Variants in LZTFL1 observed in about 807,000 individuals in gnomAD.
LZTFL1 encodes the protein leucine zipper transcription factor like 1, also known as leucine zipper transcription factor-like protein 1.
A neutral mutation model predicts 45.9 loss-of-function variants in LZTFL1; 25 were observed. The ratio of observed to expected loss-of-function variants is 0.54; its 90% CI spans 0.40 to 0.76. LZTFL1 has a LOEUF of 0.76. Ranked by LOEUF, LZTFL1 falls within the 30% of genes least tolerant of loss-of-function variation. The probability of loss-of-function intolerance (pLI) is 0.00; values close to 1 mark genes in which losing one functional copy is unlikely to be tolerated. For missense variants in LZTFL1, 277 were observed against 331.1 expected, an observed-to-expected ratio of 0.84 and a Z score of 1.27; for synonymous variants, 93 against 117.4, an observed-to-expected ratio of 0.79 and a Z score of 1.35.
At chr3:45,835,530 T>C in intron 3 of LZTFL1, 60 bp downstream of exon 3, 4 of 1,513,620 alleles carry the variant, frequency 2.6e-6, no homozygotes, top group South Asian at 1.1e-5. Flanking sequence ...AGATGTTCAC[T>C]AACTTTTAAG....
rs1437356314 is a variant in LZTFL1, at chr3:45,838,017, T to A, written c.38A>T (p.Glu13Val). 1.9e-6 allele frequency: 3 copies of A among 1,611,702 alleles called. No homozygotes were observed. The highest frequency in any genetic ancestry group is 1.7e-6 in the Non-Finnish European group (2 of 1,179,366). The change falls in exon 2 of 10, where the codon GAA becomes GTA. Residue 13 changes from glutamate to valine, a missense_variant. Physicochemically the swap from Glu to Val is moderately radical, Grantham distance 121. Coordinates refer to ENST00000296135, the MANE Select transcript of LZTFL1 (RefSeq NM_020347.4). ...AGCAAAACGCATATAATTAATAACT[T>A]CATTTTGATGGTGCTCATTTAGGCC... Reference protein sequence around the residue: ...ELGLNEHHQNEVINYMRFARS... With the variant: ...ELGLNEHHQNVVINYMRFARS...
rs548016048 is a variant in LZTFL1, at chr3:45,828,471, T to C, written c.745A>G (p.Arg249Gly). The change falls in exon 8 of 10, where the codon AGG becomes GGG. Residue 249 changes from arginine to glycine, a missense_variant. Transcript: ENST00000296135. ...GCCATGTGCAGCTGCTCCTGAACCC[T>C]GAGTAGATCGTGCTTGGCTGTCGCC... ...NLATAKHDLL[R>G]VQEQLHMAEK... The C allele has an allele frequency of 2.5e-6, 4 of 1,614,086 alleles. No homozygotes were observed. The highest frequency in any genetic ancestry group is 2.5e-6 in the Non-Finnish European group (3 of 1,180,034).
upstream of LZTFL1, among the ~76,000 whole-genome samples, chr3:45,842,443 A>C (rs1363590565): frequency 6.6e-6 from 1 of 152,028 alleles, no homozygotes; most frequent in Admixed American, 6.5e-5. Flanking sequence ...TGGACATCCC[A>C]GACCTTTCAA....
At position 45,902,884 on chromosome 3, in the gene LZTFL1, C is replaced by T. The variant is rs1368980932; in HGVS notation, c.-215+10236G>A. 8.4e-5 allele frequency: 14 copies of T among 167,026 alleles called. No individual in the cohort carries two copies. In the Admixed American group the frequency reaches 9.2e-4, roughly 11 times the overall value. 10.3% of individuals were successfully genotyped at this position (167,026 alleles called of 1,614,324 possible). On this transcript the variant is annotated intron_variant, in intron 2 of 4. Coordinates refer to the LZTFL1 transcript ENST00000472635. Reference sequence around the variant, plus strand: ...GTAGGGCAAAGGGGTGAAGCGCAGGCCTTGCTGGAAGGCTATTTACTTCCA... The same window carrying T: ...GTAGGGCAAAGGGGTGAAGCGCAGGTCTTGCTGGAAGGCTATTTACTTCCA...
chr3:45,895,713 T>TAA (rs35514118), intron 2 of LZTFL1, among the ~76,000 whole-genome samples: 2 of 139,808 alleles, frequency 1.4e-5, no homozygotes, highest in Non-Finnish European at 1.6e-5. Context: ...GACTCTGTCT[T>TAA]AAAAAAAAAA....
intron 2 of LZTFL1, among the ~76,000 whole-genome samples, chr3:45,883,230 A>G (rs1226005303): frequency 2.6e-5 from 4 of 152,232 alleles, no homozygotes; most frequent in Non-Finnish European, 1.5e-5. Flanking sequence ...GTTTTTATTC[A>G]TGAATTAACA....
chr3:45,868,855 G>A (rs188374657), intron 2 of LZTFL1, among the ~76,000 whole-genome samples: 68 of 152,216 alleles, frequency 4.5e-4, no homozygotes, highest in African/African-American at 1.6e-3. Flanking sequence ...CCTCCCAAAC[G>A]TGGATATAAG....
At chr3:45,845,685 C>T (rs1290033124), upstream of LZTFL1, among the ~76,000 whole-genome samples, 1 of 152,208 alleles carries the variant, frequency 6.6e-6, no homozygotes, top group Non-Finnish European at 1.5e-5. Context: ...GTGGTCTTCA[C>T]TAAATGTTTC....
chr3:45,887,249 G>T (rs553616921), intron 2 of LZTFL1, among the ~76,000 whole-genome samples: 2 of 118,738 alleles, frequency 1.7e-5, no homozygotes, highest in African/African-American at 6.2e-5. Flanking sequence ...GTGCGTGTGT[G>T]TCTGTGTGTG....
At chr3:45,832,840 C>A in intron 5 of LZTFL1, 1 of 443,776 alleles carries the variant, frequency 2.3e-6, no homozygotes, top group Non-Finnish European at 4.0e-6. Context: ...TTCACTTTAC[C>A]TTGAAAAGGT....
At chr3:45,838,838 T>A (rs1056074784) in intron 1 of LZTFL1, among the ~76,000 whole-genome samples, 1 of 152,190 alleles carries the variant, frequency 6.6e-6, no homozygotes, top group Non-Finnish European at 1.5e-5. Context: ...GAGGATAGAA[T>A]GGAGATAGCA....
At chr3:45,896,261 T>C (rs980198752) in intron 2 of LZTFL1, among the ~76,000 whole-genome samples, 2 of 152,242 alleles carry the variant, frequency 1.3e-5, no homozygotes, top group Non-Finnish European at 2.9e-5. Context: ...CATTTGCTTT[T>C]ATCATTTGGG....
At chr3:45,878,440 A>G (rs1053817525) in intron 2 of LZTFL1, among the ~76,000 whole-genome samples, 1 of 152,164 alleles carries the variant, frequency 6.6e-6, no homozygotes, top group African/African-American at 2.4e-5. Flanking sequence ...TCAAGTGTTA[A>G]TATACTATAG....
At chr3:45,880,458 C>T (rs762516147) in intron 2 of LZTFL1, among the ~76,000 whole-genome samples, 13 of 152,046 alleles carry the variant, frequency 8.6e-5, no homozygotes, top group African/African-American at 2.4e-4. Flanking sequence ...GCCGAGATCA[C>T]GCCACTGCAC....
intron 4 of LZTFL1, among the ~76,000 whole-genome samples, chr3:45,851,569 C>A (rs1701310742): frequency 6.6e-6 from 1 of 152,080 alleles, no homozygotes; most frequent in Non-Finnish European, 1.5e-5. Flanking sequence ...CCCATCAGTC[C>A]TTCTCTTTGA....
rs1700620588 is a variant in LZTFL1 at position 45,824,743 on chromosome 3, C to T, written c.*1571G>A. The T allele has an allele frequency of 2.5e-6, 1 of 397,988 alleles. No homozygotes were observed. Among genetic ancestry groups the T allele is most frequent in the Non-Finnish European group, 4.4e-6 (1 of 225,640 alleles). The allele number at this position is 397,988 out of a possible 1,614,324, so 24.7% of individuals were successfully genotyped here. ...AGTTCTGCTTCTGAATTACATAGAA[C>T]ATCTTGGTCCACAGACAATGGAATG... On this transcript the variant is annotated 3_prime_UTR_variant, in exon 10 of 10. Transcript: ENST00000296135.
chr3:45,833,144 A>C, intron 4 of LZTFL1, 23 bp from the exon 5 acceptor site: 1 of 1,541,804 alleles, frequency 6.5e-7, no homozygotes, highest in Admixed American at 1.7e-5. Context: ...AAAGAAACCA[A>C]ACTGAAATCA....
chr3:45,907,422 G>A lies in LZTFL1; in HGVS notation c.-215+5698C>T, dbSNP rs537744760. ...GGCCAGGCTCTGTGGCCAGGTAGGT[G>A]CTTCAAGGAACCTGTCTCTTCCTGC... On this transcript the variant is annotated intron_variant, in intron 2 of 4. Transcript: ENST00000472635. 4.6e-5 allele frequency among the ~76,000 whole-genome samples: 7 copies of A among 152,326 alleles called. No homozygotes were observed. In the South Asian group the frequency reaches 1.4e-3, roughly 32 times the overall value.
intron 2 of LZTFL1, among the ~76,000 whole-genome samples, chr3:45,863,121 C>T (rs1701518944): frequency 1.3e-5 from 2 of 152,176 alleles, no homozygotes; most frequent in African/African-American, 4.8e-5. Flanking sequence ...CCAGAAGAAA[C>T]TCATTCGAGG....
Sources: allele counts gnomAD v4.1 joint callset (sites outside exome capture counted in the v4.1 genomes callset), GRCh38; gene constraint gnomAD v4.1.1; transcripts MANE v1.5; gene names NCBI Gene and HGNC (gene_info 2026-07-23, HGNC 2026-07-21).